The following RIMS2 variants were observed in gnomAD, a reference collection of about 807,000 sequenced individuals.
The protein encoded by RIMS2 is regulating synaptic membrane exocytosis 2.
In RIMS2, 59 loss-of-function variants were observed where a neutral mutation model predicts 174.4. That is an observed-to-expected ratio of 0.34 (90% CI 0.27 to 0.42). The LOEUF (loss-of-function observed/expected upper bound fraction) is 0.42. Among genes scored for constraint, RIMS2 ranks in the 10% least tolerant of loss-of-function variants. The pLI is 1.00. For missense variants in RIMS2, 1,620 were observed against 1,666.3 expected (o/e 0.97, Z 0.48); for synonymous variants, 606 against 572.5 (o/e 1.06, Z -0.84).
chr8:104,199,279 G>T (rs536538071), intron 19 of RIMS2, among the ~76,000 whole-genome samples: 1 of 151,714 alleles, frequency 6.6e-6, no homozygotes, highest in South Asian at 2.1e-4. Flanking sequence ...AGCCAGGAGG[G>T]TCTAGATCTC....
intron 2 of RIMS2, among the ~76,000 whole-genome samples, chr8:103,755,594 A>T (rs2097983890): frequency 6.6e-6 from 1 of 151,966 alleles, no homozygotes; most frequent in Non-Finnish European, 1.5e-5. Context: ...GTCTTTTCAC[A>T]TTGTCCTTTA....
At chr8:103,753,008 G>T (rs1039821874) in intron 2 of RIMS2, among the ~76,000 whole-genome samples, 2 of 151,890 alleles carry the variant, frequency 1.3e-5, no homozygotes, top group African/African-American at 4.8e-5. Flanking sequence ...TCCCTGTCTT[G>T]TGCCAGTTTT....
intron 3 of RIMS2, among the ~76,000 whole-genome samples, chr8:103,804,464 A>G (rs2098636476): frequency 6.6e-6 from 1 of 150,600 alleles, no homozygotes; most frequent in South Asian, 2.1e-4. Context: ...GGACAAGATT[A>G]TATAAGGTAA....
chr8:103,618,088 G>A (rs762858703), intron 1 of RIMS2, among the ~76,000 whole-genome samples: 3 of 152,014 alleles, frequency 2.0e-5, no homozygotes, highest in Non-Finnish European at 4.4e-5. Context: ...GAATCAACCT[G>A]AATGCCCATC....
intron 1 of RIMS2, among the ~76,000 whole-genome samples, chr8:103,694,303 C>G (rs1002019004): frequency 1.3e-5 from 2 of 152,074 alleles, no homozygotes; most frequent in African/African-American, 4.8e-5. Flanking sequence ...TGGTCTGAAA[C>G]CTGAAGGAAG....
chr8:104,017,859 T>G (rs1006528467), intron 19 of RIMS2, among the ~76,000 whole-genome samples: 3 of 152,096 alleles, frequency 2.0e-5, no homozygotes, highest in African/African-American at 7.2e-5. Context: ...GTGGATTGCT[T>G]GAGCTCGGGA....
intron 3 of RIMS2, among the ~76,000 whole-genome samples, chr8:103,853,537 T>C (rs1384098713): frequency 2.0e-5 from 3 of 152,160 alleles, no homozygotes; most frequent in Non-Finnish European, 4.4e-5. Context: ...AACTCTTTAA[T>C]CCATCTTGAG....
intron 19 of RIMS2, among the ~76,000 whole-genome samples, chr8:104,081,390 A>G (rs1487590558): frequency 6.6e-6 from 1 of 152,052 alleles, no homozygotes; most frequent in Non-Finnish European, 1.5e-5. Context: ...ATTATTGTCA[A>G]AGTTTTACTT....
intron 1 of RIMS2, among the ~76,000 whole-genome samples, chr8:103,594,768 A>G (rs920971978): frequency 5.3e-5 from 8 of 151,810 alleles, no homozygotes; most frequent in African/African-American, 1.9e-4. Flanking sequence ...ATATAGACAA[A>G]GTAGGTTGGT....
At chr8:103,902,444 A>G (rs2073352796) in intron 4 of RIMS2, among the ~76,000 whole-genome samples, 1 of 152,164 alleles carries the variant, frequency 6.6e-6, no homozygotes, top group South Asian at 2.1e-4. Flanking sequence ...GAATACCATG[A>G]GGTGGGGATT....
chr8:103,941,400 T>C lies in RIMS2; in HGVS notation c.2548-1373T>C, dbSNP rs112329736. 4.6e-3 allele frequency among the ~76,000 whole-genome samples: 701 copies of C among 152,182 alleles called. 7 individuals are homozygous for C. Among genetic ancestry groups the C allele is most frequent in the African/African-American group, 0.016 (663 of 41,528 alleles). ...TACTCAGGAGGCTGAGGTGGGAGAA[T>C]TGCTTTACCCTAGGAGTTTGAGGCT... On this transcript the variant is annotated intron_variant, in intron 13 of 23. Transcript: ENST00000504942.
intron 19 of RIMS2, among the ~76,000 whole-genome samples, chr8:104,210,948 TA>T (rs1427662465): frequency 6.6e-6 from 1 of 152,216 alleles, no homozygotes; most frequent in African/African-American, 2.4e-5. Flanking sequence ...TCTGTTGAAA[TA>T]AAACTTACAT....
chr8:103,733,143 G>T (rs1280077775), intron 2 of RIMS2, among the ~76,000 whole-genome samples: 3 of 152,024 alleles, frequency 2.0e-5, no homozygotes, highest in Non-Finnish European at 4.4e-5. Flanking sequence ...TAGTCTGCAG[G>T]TGATGATTCC....
intron 3 of RIMS2, among the ~76,000 whole-genome samples, chr8:103,819,022 T>C (rs1165365225): frequency 1.3e-5 from 2 of 152,044 alleles, no homozygotes; most frequent in Non-Finnish European, 2.9e-5. Context: ...GAGAAAAGGG[T>C]TGGGGAAATG....
chr8:104,040,218 A>G (rs1014978207), intron 19 of RIMS2, among the ~76,000 whole-genome samples: 1 of 151,706 alleles, frequency 6.6e-6, no homozygotes, highest in Admixed American at 6.6e-5. Flanking sequence ...TTGCTATATA[A>G]GTCAACTCAA....
Position 103,569,789 on chromosome 8 carries a change from ATT to A in RIMS2, c.176+68742_176+68743del, listed in dbSNP as rs527413126. On this transcript the variant is annotated intron_variant, in intron 1 of 23. Transcript: ENST00000504942. Reference sequence around the variant, plus strand: ...GTGCTACTGCCCCTGGCTAATTTTAATTTTTTTTTTTTTTTTGGCAGAGACAG... The same window carrying A: ...GTGCTACTGCCCCTGGCTAATTTTAATTTTTTTTTTTTTTGGCAGAGACAG... 7.7e-3 allele frequency among the ~76,000 whole-genome samples: 1,048 copies of A among 136,408 alleles called. 14 individuals are homozygous for A. Among genetic ancestry groups the A allele is most frequent in the African/African-American group, 0.026 (962 of 37,216 alleles). The allele number at this position is 136,408 out of a possible 152,430, so 89.5% of individuals were successfully genotyped here.
chr8:103,725,269 TTAAG>T (rs910016318), intron 2 of RIMS2, among the ~76,000 whole-genome samples: 1 of 152,138 alleles, frequency 6.6e-6, no homozygotes, highest in East Asian at 1.9e-4. Flanking sequence ...TGCACAGAAT[TTAAG>T]TATAGTTTGA....
At chr8:103,959,622 C>A (rs1472688756) in intron 14 of RIMS2, among the ~76,000 whole-genome samples, 1 of 151,736 alleles carries the variant, frequency 6.6e-6, no homozygotes, top group African/African-American at 2.4e-5. Context: ...TGGGGTTTTA[C>A]TATGTTGCCC....
At chr8:103,850,066 T>G (rs957375505) in intron 3 of RIMS2, among the ~76,000 whole-genome samples, 2 of 152,034 alleles carry the variant, frequency 1.3e-5, no homozygotes, top group Admixed American at 1.3e-4. Flanking sequence ...AAAACAATAT[T>G]GAATGTTGGG....
Sources: allele counts gnomAD v4.1 joint callset (sites outside exome capture counted in the v4.1 genomes callset), GRCh38; gene constraint gnomAD v4.1.1; transcripts MANE v1.5; gene names NCBI Gene and HGNC (gene_info 2026-07-23, HGNC 2026-07-21).